Variants in TNFRSF8 observed in about 807,000 individuals in gnomAD.
TNFRSF8 encodes the protein TNF receptor superfamily member 8.
Under a neutral mutation model 70.8 loss-of-function variants are expected in TNFRSF8, and 26 were observed. The ratio of observed to expected loss-of-function variants is 0.37; its 90% CI spans 0.27 to 0.51. The LOEUF (loss-of-function observed/expected upper bound fraction) is 0.51. TNFRSF8 is among the 20% of genes least tolerant of loss of function. The probability of loss-of-function intolerance (pLI) is 0.94; values close to 1 mark genes in which losing one functional copy is unlikely to be tolerated. For missense variants in TNFRSF8, 720 were observed against 807.9 expected, an observed-to-expected ratio of 0.89 and a Z score of 1.32; for synonymous variants, 356 against 339.2, an observed-to-expected ratio of 1.05 and a Z score of -0.54.
At position 12,135,604 on chromosome 1, in the gene TNFRSF8, G is replaced by A. The variant is rs11569933; in HGVS notation, c.1326G>A (p.Arg442=). 2,042 of 1,614,156 alleles carry A rather than the reference G, an allele frequency of 1.3e-3. 30 individuals are homozygous for A. The African/African-American group carries it at 0.024, about 19-fold the overall frequency. The part of the protein sequence containing the change: ...KLELVDSRPR[R]SSTQLRSGAS... Reference sequence around the variant, plus strand: ...TTTTTGCAGATTCCAGACCCAGGAGGAGCTCAACGGTAAGTACCCCTCCCT... The same window carrying A: ...TTTTTGCAGATTCCAGACCCAGGAGAAGCTCAACGGTAAGTACCCCTCCCT... The change falls in exon 13 of 15, where the codon AGG becomes AGA. Residue 442 remains arginine, a synonymous_variant. Transcript: ENST00000263932.
chr1:12,115,667 A>T lies in TNFRSF8; in HGVS notation c.884A>T (p.Asn295Ile). The change falls in exon 8 of 15, where the codon AAC becomes ATC. Residue 295 changes from asparagine to isoleucine, a missense_variant. Coordinates refer to ENST00000263932, the MANE Select transcript of TNFRSF8 (RefSeq NM_001243.5). ...PGMICATSAT[N>I]SCARCVPYPI... ...ATGATCTGTGCCACATCAGCCACCA[A>T]CTCCTGTGCCCGCTGTGTCCCCTAC... is the stretch of plus-strand genomic sequence containing the variant. 1 of 1,613,806 alleles carries T rather than the reference A, an allele frequency of 6.2e-7. No individual in the cohort carries two copies. Among genetic ancestry groups the T allele is most frequent in the South Asian group, 1.1e-5 (1 of 91,056 alleles).
At chr1:12,114,791 C>T (rs1205677054) in intron 7 of TNFRSF8, among the ~76,000 whole-genome samples, 1 of 147,720 alleles carries the variant, frequency 6.8e-6, no homozygotes, top group East Asian at 2.0e-4. Flanking sequence ...TCACTGCAAC[C>T]TCTGCCTCCC....
At chr1:12,079,773 G>A (rs1168958679) in intron 1 of TNFRSF8, among the ~76,000 whole-genome samples, 1 of 152,056 alleles carries the variant, frequency 6.6e-6, no homozygotes, top group African/African-American at 2.4e-5. Context: ...ACTGCCCTCC[G>A]GTGGCAAGCT....
In TNFRSF8 at chr1:12,139,008, A is replaced by C. The variant is rs977248903; in HGVS notation, c.1543+572A>C. Among the ~76,000 whole-genome samples, 19 of 152,310 alleles carry C rather than the reference A, an allele frequency of 1.2e-4. No homozygotes were observed. The South Asian group carries it at 3.9e-3, about 32-fold the overall frequency. On this transcript the variant is annotated intron_variant, in intron 14 of 14. Coordinates refer to ENST00000263932, the MANE Select transcript of TNFRSF8 (RefSeq NM_001243.5). ...ACCCTCTGCAGAAGCAGGAGGACAGATGGGGCCCAGATGTTCAGAGCTTCC... is the reference window on the plus strand; with the variant it reads ...ACCCTCTGCAGAAGCAGGAGGACAGCTGGGGCCCAGATGTTCAGAGCTTCC...
At chr1:12,096,455 G>A (rs1307448862) in intron 2 of TNFRSF8, among the ~76,000 whole-genome samples, 3 of 147,962 alleles carry the variant, frequency 2.0e-5, no homozygotes, top group African/African-American at 5.0e-5. Flanking sequence ...TCACACACAC[G>A]CAAATCTCAT....
chr1:12,082,435 A>G (rs1300017293), intron 1 of TNFRSF8, among the ~76,000 whole-genome samples: 2 of 151,846 alleles, frequency 1.3e-5, no homozygotes, highest in African/African-American at 4.8e-5. Flanking sequence ...GGCCCCAGCT[A>G]CTTGGGAGGC....
chr1:12,096,521 G>T (rs949165459), intron 2 of TNFRSF8, among the ~76,000 whole-genome samples: 1 of 151,966 alleles, frequency 6.6e-6, no homozygotes, highest in Admixed American at 6.5e-5. Flanking sequence ...GCTGTCCTGG[G>T]CCGAATGCGG....
At position 12,108,474 on chromosome 1, in the gene TNFRSF8, G is replaced by A. The variant is rs981708014; in HGVS notation, c.422-1092G>A. On this transcript the variant is annotated intron_variant, in intron 4 of 14. Transcript: ENST00000263932. This position sits in a 1 kb window ranked among gnomAD's most constrained non-coding sequence, Gnocchi z 4.0. ...TCATGCAATGTGATGGGCACCTCAC[G>A]TGCACTCTTCTGTTTATCCTGACGA... Among the ~76,000 whole-genome samples, 17 of 152,164 alleles carry A rather than the reference G, an allele frequency of 1.1e-4. No homozygotes were observed. The highest frequency in any genetic ancestry group is 2.2e-4 in the Non-Finnish European group (15 of 68,036).
Position 12,109,911 on chromosome 1 carries a change from C to A in TNFRSF8, c.513-130C>A. On this transcript the variant is annotated intron_variant, in intron 5 of 14. Coordinates refer to ENST00000263932, the MANE Select transcript of TNFRSF8 (RefSeq NM_001243.5). The surrounding 1 kb of genome is among the most constrained non-coding windows in gnomAD (Gnocchi z 4.4). Reference sequence around the variant, plus strand: ...CACAGGCCTTGCTCCCAGGAGCTTACAGTGGGCCCGCCAGAGGCAGTGGGC... The same window carrying A: ...CACAGGCCTTGCTCCCAGGAGCTTAAAGTGGGCCCGCCAGAGGCAGTGGGC... 1 of 1,197,348 alleles carries A rather than the reference C, an allele frequency of 8.4e-7. No homozygotes were observed. The highest frequency in any genetic ancestry group is 1.2e-6 in the Non-Finnish European group (1 of 847,386). The allele number at this position is 1,197,348 out of a possible 1,614,324, so 74.2% of individuals were successfully genotyped here. A position where few individuals can be genotyped will look rare whatever the true frequency, so the allele number is the denominator to read the frequency against.
rs1243435384 is a variant in TNFRSF8, at chr1:12,141,262, C to A, written c.1544-1025C>A. ...CTCTCAAGTTCCCTCTTGAGCTTCC[C>A]CATTCTGGCCTCCAGAGTCCAGCGC... is the stretch of plus-strand genomic sequence containing the variant. On this transcript the variant is annotated intron_variant, in intron 14 of 14. Coordinates refer to ENST00000263932, the MANE Select transcript of TNFRSF8 (RefSeq NM_001243.5). The surrounding 1 kb of genome is among the most constrained non-coding windows in gnomAD (Gnocchi z 5.4). Among the ~76,000 whole-genome samples, 1 of 152,250 alleles carries A rather than the reference C, an allele frequency of 6.6e-6. No homozygotes were observed. Among genetic ancestry groups the A allele is most frequent in the East Asian group, 1.9e-4 (1 of 5,176 alleles).
intron 8 of TNFRSF8, among the ~76,000 whole-genome samples, chr1:12,117,179 T>G (rs1393157612): frequency 6.6e-6 from 1 of 151,898 alleles, no homozygotes; most frequent in Non-Finnish European, 1.5e-5. Flanking sequence ...GTCTCCCGGG[T>G]TCAGGCAATT....
intron 4 of TNFRSF8, among the ~76,000 whole-genome samples, chr1:12,106,887 A>G (rs1641534567): frequency 6.6e-6 from 1 of 152,222 alleles, no homozygotes; most frequent in Admixed American, 6.5e-5. Context: ...AAAAGGCCAA[A>G]CTTCCCAAAA....
chr1:12,126,130 G>A (rs1641934898), intron 11 of TNFRSF8, 53 bp from the exon 12 acceptor site: 1 of 1,613,290 alleles, frequency 6.2e-7, no homozygotes, highest in African/African-American at 1.3e-5. Flanking sequence ...TTCCCTGCCT[G>A]CTCCTGCTCT....
At chr1:12,116,406 C>G (rs1641730623) in intron 8 of TNFRSF8, among the ~76,000 whole-genome samples, 1 of 152,214 alleles carries the variant, frequency 6.6e-6, no homozygotes, top group Non-Finnish European at 1.5e-5. Context: ...AACTAAAACC[C>G]TGACAGTTTT....
chr1:12,103,500 C>G (rs1373128905), intron 3 of TNFRSF8, among the ~76,000 whole-genome samples: 1 of 152,110 alleles, frequency 6.6e-6, no homozygotes, highest in Non-Finnish European at 1.5e-5. Context: ...AACAGGGTAT[C>G]ACTCTTTTGC....
intron 4 of TNFRSF8, among the ~76,000 whole-genome samples, chr1:12,105,063 G>A (rs1201843451): frequency 6.6e-6 from 1 of 152,224 alleles, no homozygotes; most frequent in African/African-American, 2.4e-5. Context: ...TTTAACCAGA[G>A]AAGGGGTATG....
intron 7 of TNFRSF8, among the ~76,000 whole-genome samples, chr1:12,114,353 A>C (rs558482937): frequency 6.6e-6 from 1 of 152,298 alleles, no homozygotes; most frequent in East Asian, 1.9e-4. Flanking sequence ...AATAATAATG[A>C]TAATAGCTGC....
intron 1 of TNFRSF8, among the ~76,000 whole-genome samples, chr1:12,081,665 A>C (rs1641065316): frequency 6.6e-6 from 1 of 151,926 alleles, no homozygotes; most frequent in Non-Finnish European, 1.5e-5. Context: ...TGCAAAAAAA[A>C]AAAAGAATGA....
chr1:12,125,994 C>T lies in TNFRSF8; in HGVS notation c.1197C>T (p.Val399=), dbSNP rs776015506. Residue 399 remains valine, a synonymous_variant, in exon 11 of 15, where the codon GTC becomes GTT. Coordinates refer to ENST00000263932, the MANE Select transcript of TNFRSF8 (RefSeq NM_001243.5). ...FWVILVLVVV[V]GSSAFLLCHR... Reference sequence around the variant, plus strand: ...TGATCCTGGTGTTGGTTGTGGTGGTCGGCTCCAGCGCCTTCCTCCTGTGCC... The same window carrying T: ...TGATCCTGGTGTTGGTTGTGGTGGTTGGCTCCAGCGCCTTCCTCCTGTGCC... 1.4e-5 allele frequency: 23 copies of T among 1,613,956 alleles called. No individual in the cohort carries two copies. In the South Asian group the frequency reaches 1.5e-4, roughly 11 times the overall value.
Sources: gnomAD v4.1 joint callset for allele counts (sites outside exome capture counted in the v4.1 genomes callset) on GRCh38, gnomAD v4.1.1 for gene constraint, Gnocchi (gnomAD v3.1) non-coding constraint, MANE v1.5 for transcripts, NCBI Gene and HGNC (gene_info 2026-07-23, HGNC 2026-07-21) for gene names.